The following SLC25A21 variants were observed in gnomAD, a reference collection of about 807,000 sequenced individuals.
SLC25A21 encodes the protein solute carrier family 25 member 21, also known as mitochondrial 2-oxodicarboxylate carrier.
Under a neutral mutation model 43.8 loss-of-function variants are expected in SLC25A21, and 47 were observed. That is an observed-to-expected ratio of 1.07 (90% CI 0.85 to 1.37). SLC25A21 has a LOEUF of 1.37. Ranked by LOEUF, SLC25A21 falls within the 40% of genes most tolerant of loss-of-function variation. The probability of loss-of-function intolerance (pLI) is 0.00; values close to 1 mark genes in which losing one functional copy is unlikely to be tolerated. For missense variants in SLC25A21, 352 were observed against 350.2 expected (o/e 1.00, Z -0.04); for synonymous variants, 131 against 121.3 (o/e 1.08, Z -0.52).
intron 3 of SLC25A21, among the ~76,000 whole-genome samples, chr14:36,736,619 T>C (rs61994946): frequency 0.12 from 17,752 of 145,896 alleles, 1,259 homozygotes; most frequent in South Asian, 0.3. Flanking sequence ...TGCCTGATTA[T>C]TGTAGGAAAA....
chr14:37,048,423 C>G (rs975657717), intron 1 of SLC25A21, among the ~76,000 whole-genome samples: 1 of 151,546 alleles, frequency 6.6e-6, no homozygotes, highest in South Asian at 2.1e-4. Context: ...AGCTATGAGA[C>G]TGGTGGAGGG....
intron 1 of SLC25A21, among the ~76,000 whole-genome samples, chr14:37,160,242 C>T (rs1963915646): frequency 6.6e-6 from 1 of 152,190 alleles, no homozygotes; most frequent in Non-Finnish European, 1.5e-5. Flanking sequence ...ATGAAATCCA[C>T]ATATCAAAGT....
rs1226128663 is a variant in SLC25A21 at position 36,729,561 on chromosome 14, G to A, written c.276C>T (p.Phe92=). 1 of 1,605,782 alleles carries A rather than the reference G, an allele frequency of 6.2e-7. No individual in the cohort carries two copies. Among genetic ancestry groups the A allele is most frequent in the Non-Finnish European group, 8.5e-7 (1 of 1,177,020 alleles). The change falls in exon 5 of 10, where the codon TTC becomes TTT. Residue 92 remains phenylalanine (F), a synonymous_variant. Coordinates refer to ENST00000331299, the MANE Select transcript of SLC25A21 (RefSeq NM_030631.4). ...AETPKRAVKF[F]TFEQYKKLLG... is the part of the protein sequence containing the mutation. ...GCAATTTCTTGTACTGCTCAAAGGT[G>A]AAAAACTGTGAAACAAAACCAAACT...
At chr14:36,787,745 T>C (rs1389148323) in intron 3 of SLC25A21, among the ~76,000 whole-genome samples, 3 of 152,240 alleles carry the variant, frequency 2.0e-5, no homozygotes, top group Non-Finnish European at 4.4e-5. Flanking sequence ...ACTTCTTCCT[T>C]TGATACAGAA....
At chr14:36,774,826 C>T (rs547313258) in intron 3 of SLC25A21, among the ~76,000 whole-genome samples, 2 of 152,194 alleles carry the variant, frequency 1.3e-5, no homozygotes, top group African/African-American at 2.4e-5. Context: ...AATAAGGACT[C>T]GGATTTCTTA....
At chr14:36,790,980 ATCTT>A (rs35793291) in intron 3 of SLC25A21, among the ~76,000 whole-genome samples, 24,797 of 152,060 alleles carry the variant, frequency 0.16, 2,243 homozygotes, top group Middle Eastern at 0.25. Context: ...TCAGCAAAAT[ATCTT>A]TCTTTTTTTA....
intron 3 of SLC25A21, among the ~76,000 whole-genome samples, chr14:36,810,930 AAATAATTCAGCATATGATAGAGAAAAGAG>A (rs1566636595): frequency 8.8e-6 from 1 of 114,184 alleles, no homozygotes; most frequent in East Asian, 2.9e-4. Context: ...AGAGTGGGGG[AAATAATTCAGCATATGATAGAGAAAAGAG>A]GGTCAGGGAG....
At chr14:37,165,123 TC>T (rs1463895361) in intron 1 of SLC25A21, among the ~76,000 whole-genome samples, 4 of 152,200 alleles carry the variant, frequency 2.6e-5, no homozygotes, top group African/African-American at 9.6e-5. Flanking sequence ...ACGCCTGTAA[TC>T]CCAGCACTTT....
At chr14:36,728,351 G>T (rs1884682152) in intron 5 of SLC25A21, among the ~76,000 whole-genome samples, 1 of 152,148 alleles carries the variant, frequency 6.6e-6, no homozygotes, top group South Asian at 2.1e-4. Flanking sequence ...TTTGACACAA[G>T]AACAGCCAGC....
chr14:37,080,118 C>T (rs992294871), intron 1 of SLC25A21, among the ~76,000 whole-genome samples: 24 of 152,238 alleles, frequency 1.6e-4, no homozygotes, highest in African/African-American at 4.3e-4. Context: ...ATAAACTACC[C>T]AGTTTATGGT....
chr14:37,012,372 A>G (rs1333441746), intron 1 of SLC25A21, among the ~76,000 whole-genome samples: 1 of 152,176 alleles, frequency 6.6e-6, no homozygotes, highest in African/African-American at 2.4e-5. Flanking sequence ...CAAACTTGAA[A>G]TTAACCCACT....
chr14:36,683,796 A>G, intron 9 of SLC25A21, 32 bp downstream of exon 9: 1 of 1,504,214 alleles, frequency 6.6e-7, no homozygotes, highest in Non-Finnish European at 9.1e-7. Context: ...ACAATAAAGA[A>G]GGAAGGATTA....
chr14:37,025,936 T>C (rs1024019950), intron 1 of SLC25A21, among the ~76,000 whole-genome samples: 4 of 152,076 alleles, frequency 2.6e-5, no homozygotes, highest in Non-Finnish European at 2.9e-5. Flanking sequence ...AGAACCTATA[T>C]AGCAAACGGA....
At chr14:37,145,273 A>AT (rs138575645) in intron 1 of SLC25A21, among the ~76,000 whole-genome samples, 1 of 151,294 alleles carries the variant, frequency 6.6e-6, no homozygotes, top group East Asian at 1.9e-4. Context: ...TCTATTCTCT[A>AT]TTTTTTTTAA....
At chr14:36,748,927 C>G (rs1457988547) in intron 3 of SLC25A21, among the ~76,000 whole-genome samples, 1 of 152,170 alleles carries the variant, frequency 6.6e-6, no homozygotes, top group African/African-American at 2.4e-5. Context: ...CTAAGCCTGC[C>G]TTTTTACATA....
intron 1 of SLC25A21, among the ~76,000 whole-genome samples, chr14:36,899,309 CACA>C (rs1891336970): frequency 6.6e-6 from 1 of 152,044 alleles, no homozygotes; most frequent in Non-Finnish European, 1.5e-5. Flanking sequence ...AACATCAAAA[CACA>C]ACATTCTGGA....
intron 1 of SLC25A21, among the ~76,000 whole-genome samples, chr14:37,115,285 C>T (rs1171371421): frequency 6.6e-6 from 1 of 152,146 alleles, no homozygotes; most frequent in East Asian, 1.9e-4. Flanking sequence ...ATTGATGCTA[C>T]GGAGTATTGA....
intron 3 of SLC25A21, among the ~76,000 whole-genome samples, chr14:36,810,305 C>G (rs138695712): frequency 4.6e-5 from 7 of 152,288 alleles, no homozygotes; most frequent in South Asian, 4.1e-4. Flanking sequence ...GCAGAAACAT[C>G]AAATTCTTCC....
rs1267146519 is a variant in SLC25A21, at chr14:36,907,053, TA to T, written c.71-32050del. Reference sequence around the variant, plus strand: ...AGCTTCATAGCATTGTGTAAGAAAATAGGGGGATCGTATCTCTAGGAAGGCT... The same window carrying T: ...AGCTTCATAGCATTGTGTAAGAAAATGGGGGATCGTATCTCTAGGAAGGCT... On this transcript the variant is annotated intron_variant, in intron 1 of 9. Coordinates refer to ENST00000331299, the MANE Select transcript of SLC25A21 (RefSeq NM_030631.4). Among the ~76,000 whole-genome samples, 11 of 152,046 alleles carry T rather than the reference TA, an allele frequency of 7.2e-5. 1 individual carries two copies. The East Asian group carries it at 2.1e-3, about 29-fold the overall frequency.
Sources: gnomAD v4.1 joint callset for allele counts (sites outside exome capture counted in the v4.1 genomes callset) on GRCh38, gnomAD v4.1.1 for gene constraint, MANE v1.5 for transcripts, NCBI Gene and HGNC (gene_info 2026-07-23, HGNC 2026-07-21) for gene names.